ERICH3: variants seen among roughly 807,000 people sequenced by gnomAD.
The protein encoded by ERICH3 is glutamate rich 3, also known as glutamate-rich protein 3.
In ERICH3, 126 loss-of-function variants were observed where a neutral mutation model predicts 131.1. That is an observed-to-expected ratio of 0.96 (90% CI 0.83 to 1.11). The LOEUF is 1.11. Ranked by LOEUF, ERICH3 falls within the 50% of genes most tolerant of loss-of-function variation. The pLI is 0.00. For synonymous variants in ERICH3, 695 were observed against 644.6 expected, an observed-to-expected ratio of 1.08 and a Z score of -1.18; for missense variants, 2,050 against 1,810.7, an observed-to-expected ratio of 1.13 and a Z score of -2.40.
chr1:74,654,517 A>G (rs920316240), intron 1 of ERICH3, among the ~76,000 whole-genome samples: 3 of 152,096 alleles, frequency 2.0e-5, no homozygotes, highest in Non-Finnish European at 2.9e-5. Context: ...TCAGGGTACC[A>G]ACATGTTTAG....
At chr1:74,659,609 T>A (rs575807118) in intron 1 of ERICH3, among the ~76,000 whole-genome samples, 6 of 152,176 alleles carry the variant, frequency 3.9e-5, no homozygotes, top group African/African-American at 1.4e-4. Context: ...ATCCAACCAA[T>A]GAAAGAATGG....
intron 10 of ERICH3, among the ~76,000 whole-genome samples, chr1:74,602,585 A>T (rs1162306952): frequency 1.3e-5 from 2 of 151,858 alleles, no homozygotes; most frequent in Non-Finnish European, 2.9e-5. Flanking sequence ...AGCGACTATT[A>T]TGCAGAGAGC....
rs776646332 is a variant in ERICH3 at position 74,572,191 on chromosome 1, C to A, written c.3519G>T (p.Leu1173=). ...GTCTTTCCCCTCCTCCTTCTTTCCT[C>A]AGAGCTGTTATGTTTTCCAGCGACT... ...FEKSLENITA[L]RKEGGGERLS... The change falls in exon 14 of 15, where the codon CTG becomes CTT. Residue 1173 remains leucine, a synonymous_variant. Transcript: ENST00000326665. The A allele has an allele frequency of 2.4e-5, 39 of 1,614,164 alleles. 1 individual carries two copies. The highest frequency in any genetic ancestry group is 2.7e-5 in the Non-Finnish European group (32 of 1,180,032).
intron 5 of ERICH3, 72 bp downstream of exon 5, chr1:74,641,259 C>A (rs987126835): frequency 1.3e-6 from 2 of 1,530,242 alleles, no homozygotes; most frequent in African/African-American, 2.8e-5. Context: ...CAGAGAGTAT[C>A]CCTTCTGAGA....
Position 74,572,962 on chromosome 1 carries a change from A to G in ERICH3, c.2748T>C (p.Leu916=). The change falls in exon 14 of 15, where the codon CTT becomes CTC. Residue 916 remains leucine (L), a synonymous_variant. Transcript: ENST00000326665. ...CCTCTCTCAGGGCTGCTACTTCATG[A>G]AGATGCTCCAAGTTCAGGGCTGCTG... ...NEAAALNLEH[L]HEVAALREAA... is the part of the protein sequence containing the mutation. The G allele has an allele frequency of 6.2e-7, 1 of 1,613,996 alleles. No individual in the cohort carries two copies. The highest frequency in any genetic ancestry group is 1.1e-5 in the South Asian group (1 of 91,082).
At chr1:74,665,017 A>T (rs1646676156) in intron 1 of ERICH3, among the ~76,000 whole-genome samples, 1 of 152,180 alleles carries the variant, frequency 6.6e-6, no homozygotes, top group Non-Finnish European at 1.5e-5. Flanking sequence ...CATATGTTGA[A>T]ATCTTAACCC....
intron 1 of ERICH3, among the ~76,000 whole-genome samples, chr1:74,665,317 G>A (rs1342053868): frequency 2.0e-5 from 3 of 151,928 alleles, no homozygotes; most frequent in African/African-American, 7.3e-5. Context: ...ATAAAATTCT[G>A]TTGTTTCTAA....
At position 74,571,530 on chromosome 1, in the gene ERICH3, C is replaced by G. The variant is rs1246291182; in HGVS notation, c.4180G>C (p.Val1394Leu). 8 of 1,614,158 alleles carry G rather than the reference C, an allele frequency of 5.0e-6. No homozygotes were observed. Among genetic ancestry groups the G allele is most frequent in the Admixed American group, 1.7e-5 (1 of 60,036 alleles). ...EETWHQQDELVGKTAAAGKVV... is the reference protein window; with the variant it reads ...EETWHQQDELLGKTAAAGKVV... ...TTCCCTGCAGCTGCTGTTTTTCCTA[C>G]TAACTCATCCTGTTGGTGCCAGGTT... The change falls in exon 14 of 15, where the codon GTA (valine) becomes CTA (leucine). Residue 1394 changes from valine to leucine, a missense_variant. By Grantham distance (32) the Val-to-Leu change is conservative. Coordinates refer to ENST00000326665, the MANE Select transcript of ERICH3 (RefSeq NM_001002912.5).
At chr1:74,664,308 AT>A (rs1004409460) in intron 1 of ERICH3, among the ~76,000 whole-genome samples, 2 of 80,874 alleles carry the variant, frequency 2.5e-5, no homozygotes, top group Non-Finnish European at 4.9e-5. Flanking sequence ...AAAAAGGAAG[AT>A]TAAAAAAAAA....
At position 74,571,236 on chromosome 1, in the gene ERICH3, G is replaced by A. The variant is rs769311339; in HGVS notation, c.4474C>T (p.Gln1492Ter). ...TTCACTGGAAGTGTTGCCATCGCCTGTAGACTCTCCGGACTCAATTCCCTC... is the reference window on the plus strand; with the variant it reads ...TTCACTGGAAGTGTTGCCATCGCCTATAGACTCTCCGGACTCAATTCCCTC... Reference protein sequence around the residue: ...GERELSPESLQAMATLPVKPD... With the variant: ...GERELSPESL The change falls in exon 14 of 15, where the codon CAG becomes TAG. Residue 1492 changes from glutamine to a stop codon, truncating the protein, a stop_gained. Coordinates refer to ENST00000326665, the MANE Select transcript of ERICH3 (RefSeq NM_001002912.5). LOFTEE classifies it high-confidence loss of function. 1 of 1,614,044 alleles carries A rather than the reference G, an allele frequency of 6.2e-7. No individual in the cohort carries two copies. Among genetic ancestry groups the A allele is most frequent in the South Asian group, 1.1e-5 (1 of 91,082 alleles).
chr1:74,657,355 A>G (rs936728971), intron 1 of ERICH3, among the ~76,000 whole-genome samples: 6 of 152,194 alleles, frequency 3.9e-5, no homozygotes, highest in African/African-American at 1.2e-4. Context: ...AAAGACAAAT[A>G]TAGAACAACT....
intron 11 of ERICH3, among the ~76,000 whole-genome samples, chr1:74,594,446 C>T (rs1408888215): frequency 1.3e-5 from 2 of 152,180 alleles, no homozygotes; most frequent in Non-Finnish European, 2.9e-5. Context: ...TCTCCCTCCT[C>T]ATAACTGAGG....
intron 12 of ERICH3, among the ~76,000 whole-genome samples, chr1:74,579,181 A>T (rs1173362146): frequency 6.6e-6 from 1 of 152,216 alleles, no homozygotes; most frequent in Non-Finnish European, 1.5e-5. Flanking sequence ...AGACAGTTCA[A>T]ATAAGCAATG....
chr1:74,624,744 C>T, intron 7 of ERICH3: 1 of 152,610 alleles, frequency 6.6e-6, no homozygotes, highest in Non-Finnish European at 1.5e-5. Flanking sequence ...TGTAGCTCTG[C>T]ATGGTGTGGT....
chr1:74,635,270 C>A (rs150914819), intron 6 of ERICH3, among the ~76,000 whole-genome samples: 146 of 152,154 alleles, frequency 9.6e-4, no homozygotes, highest in African/African-American at 3.3e-3. Flanking sequence ...GGATGAAGCA[C>A]CACCACTTTT....
At chr1:74,621,744 A>G (rs1447518493) in intron 7 of ERICH3, 2 of 152,216 alleles carry the variant, frequency 1.3e-5, no homozygotes. Context: ...TATTTTCATA[A>G]TAGTGAATGA....
chr1:74,568,186 A>C lies in ERICH3; in HGVS notation c.*2272T>G, dbSNP rs1395074488. Reference sequence around the variant, plus strand: ...ACAAACCATTTCAGGGGAACATACAAGTAATTTTATCAACATAGTATTTGC... The same window carrying C: ...ACAAACCATTTCAGGGGAACATACACGTAATTTTATCAACATAGTATTTGC... On this transcript the variant is annotated 3_prime_UTR_variant, in exon 15 of 15. Coordinates refer to ENST00000326665, the MANE Select transcript of ERICH3 (RefSeq NM_001002912.5). The C allele has an allele frequency of 1.3e-5, 2 of 152,190 alleles. No individual in the cohort carries two copies. The highest frequency in any genetic ancestry group is 2.9e-5 in the Non-Finnish European group (2 of 68,006). The allele number at this position is 152,190 out of a possible 1,614,324, so 9.4% of individuals were successfully genotyped here. A position where few individuals can be genotyped will look rare whatever the true frequency, so the allele number is the denominator to read the frequency against.
intron 13 of ERICH3, among the ~76,000 whole-genome samples, chr1:74,574,968 C>T (rs996511233): frequency 4.0e-5 from 6 of 151,382 alleles, no homozygotes; most frequent in Admixed American, 1.3e-4. Flanking sequence ...AGTTATCATA[C>T]CAAGATGTCA....
chr1:74,642,997 G>A, intron 4 of ERICH3, 30 bp downstream of exon 4: 1 of 1,446,946 alleles, frequency 6.9e-7, no homozygotes, highest in South Asian at 1.2e-5. Flanking sequence ...ATAATACTAT[G>A]AAGTAAAAGA....
Sources: gnomAD v4.1 joint callset for allele counts (sites outside exome capture counted in the v4.1 genomes callset) on GRCh38, gnomAD v4.1.1 for gene constraint, MANE v1.5 for transcripts, NCBI Gene and HGNC (gene_info 2026-07-23, HGNC 2026-07-21) for gene names.